CCDC57: variants seen among roughly 807,000 people sequenced by gnomAD.
CCDC57 encodes coiled-coil domain containing 57.
Under a neutral mutation model 118.9 loss-of-function variants are expected in CCDC57, and 118 were observed. The observed-to-expected ratio is 0.99, with a 90% CI of 0.86 to 1.16. CCDC57 has a LOEUF of 1.16. Ranked by LOEUF, CCDC57 falls within the 50% of genes most tolerant of loss-of-function variation. The pLI is 0.00. For missense variants in CCDC57, 1,300 were observed against 1,320.7 expected (o/e 0.98, Z 0.24); for synonymous variants, 527 against 532.9 (o/e 0.99, Z 0.15).
At chr17:82,111,247 C>A (rs1405947623) in intron 19 of CCDC57, among the ~76,000 whole-genome samples, 1 of 1,006 alleles carries the variant, frequency 9.9e-4, no homozygotes, top group Non-Finnish European at 2.1e-3. Flanking sequence ...AGGTGCCCGC[C>A]ACCATGCCCA....
intron 16 of CCDC57, among the ~76,000 whole-genome samples, chr17:82,150,432 T>C (rs200379745): frequency 0.17 from 2,349 of 13,770 alleles, no homozygotes; most frequent in Middle Eastern, 0.21. Flanking sequence ...GACCCGCACC[T>C]AGAACCAGGC....
At chr17:82,149,938 CGCACATCCAGAACCAGGT>C (rs2041652479) in intron 16 of CCDC57, among the ~76,000 whole-genome samples, 1 of 138,360 alleles carries the variant, frequency 7.2e-6, no homozygotes, top group African/African-American at 2.7e-5. Context: ...CAGAACCTGG[CGCACATCCAGAACCAGGT>C]GCACACTCAG....
intron 17 of CCDC57, among the ~76,000 whole-genome samples, chr17:82,133,186 C>T (rs2038665435): frequency 1.3e-5 from 2 of 151,912 alleles, no homozygotes; most frequent in African/African-American, 2.4e-5. Context: ...GCCTGGGCAA[C>T]ATGGCAAAAC....
chr17:82,138,839 G>A (rs1207393884), intron 16 of CCDC57, among the ~76,000 whole-genome samples: 2 of 152,234 alleles, frequency 1.3e-5, no homozygotes, highest in Non-Finnish European at 2.9e-5. Context: ...CCATTTGCCA[G>A]ATGCTGTCAG....
chr17:82,132,640 G>A (rs2038562120), intron 17 of CCDC57, among the ~76,000 whole-genome samples: 1 of 151,780 alleles, frequency 6.6e-6, no homozygotes, highest in African/African-American at 2.4e-5. Flanking sequence ...GGCGGGTCTT[G>A]AACTCCTGGG....
intron 19 of CCDC57, among the ~76,000 whole-genome samples, chr17:82,122,652 G>T (rs1197554121): frequency 6.6e-6 from 1 of 152,192 alleles, no homozygotes; most frequent in Non-Finnish European, 1.5e-5. Flanking sequence ...TTGTCAGCTT[G>T]CAGGCTGGGC....
intron 13 of CCDC57, among the ~76,000 whole-genome samples, chr17:82,168,353 G>A (rs565531854): frequency 6.6e-6 from 1 of 152,294 alleles, no homozygotes; most frequent in South Asian, 2.1e-4. Context: ...CCAGCACTTT[G>A]GGAGGCCAGC....
intron 19 of CCDC57, among the ~76,000 whole-genome samples, chr17:82,110,160 T>C (rs2035146168): frequency 1.3e-5 from 2 of 151,892 alleles, no homozygotes; most frequent in Non-Finnish European, 2.9e-5. Context: ...TTTGTATTTT[T>C]TGTAGAGATG....
chr17:82,208,844 A>C (rs2049966803), intron 1 of CCDC57, among the ~76,000 whole-genome samples: 1 of 152,144 alleles, frequency 6.6e-6, no homozygotes, highest in Admixed American at 6.6e-5. Flanking sequence ...AGTGCTGCTA[A>C]GCCCTCTGGG....
Position 82,127,660 on chromosome 17 carries a change from G to A in CCDC57, c.2899+32C>T. 5 of 1,564,852 alleles carry A rather than the reference G, an allele frequency of 3.2e-6. No homozygotes were observed. In the South Asian group the frequency reaches 3.5e-5, roughly 11 times the overall value. ...GGGTGGCCCTCGCCAGCTGCCAGCT[G>A]TGGGCAGCTCCTGGGGAGGGCAGTC... On this transcript the variant is annotated intron_variant, in intron 19 of 19. Transcript: ENST00000665763.
intron 13 of CCDC57, 34 bp from the exon 13 acceptor site, chr17:82,163,391 C>T: frequency 3.1e-6 from 5 of 1,608,338 alleles, no homozygotes; most frequent in South Asian, 1.1e-5. Flanking sequence ...CAGCTCATAC[C>T]TGAGAACAAA....
chr17:82,204,422 C>T (rs957002838), intron 2 of CCDC57, among the ~76,000 whole-genome samples: 1 of 152,222 alleles, frequency 6.6e-6, no homozygotes, highest in Non-Finnish European at 1.5e-5. Context: ...TGTCTTACCA[C>T]AAGAGACCTC....
At chr17:82,167,053 C>T (rs779649566) in intron 13 of CCDC57, among the ~76,000 whole-genome samples, 7 of 151,972 alleles carry the variant, frequency 4.6e-5, no homozygotes, top group Non-Finnish European at 1.0e-4. Flanking sequence ...CACTGATAAA[C>T]CTGAAGAACA....
chr17:82,183,997 A>AC (rs1170748487), intron 8 of CCDC57, 65 bp from the exon 8 acceptor site: 15 of 1,265,802 alleles, frequency 1.2e-5, no homozygotes, highest in Non-Finnish European at 1.6e-5. Context: ...CTTACACAGC[A>AC]CCCCCCAGCA....
Position 82,172,833 on chromosome 17 carries a change from T to C in CCDC57, c.1534A>G (p.Ile512Val). Residue 512 changes from isoleucine (I) to valine (V), a missense_variant, in exon 12 of 20, where the codon ATA becomes GTA. Ile to Val is a conservative substitution (Grantham distance 29, BLOSUM62 3). Coordinates refer to ENST00000665763, the Ensembl canonical transcript of CCDC57. This position sits in a 1 kb window ranked among gnomAD's most constrained non-coding sequence, Gnocchi z 5.2. ...TCACTGGATGGAAAGTCTTTACTTA[T>C]TTCTTCTTCATGCTGCCTGAGAAGC... 1 of 1,613,060 alleles carries C rather than the reference T, an allele frequency of 6.2e-7. No individual in the cohort carries two copies. The highest frequency in any genetic ancestry group is 8.5e-7 in the Non-Finnish European group (1 of 1,179,572).
intron 11 of CCDC57, among the ~76,000 whole-genome samples, chr17:82,176,713 C>T (rs535693806): frequency 2.0e-5 from 3 of 152,300 alleles, no homozygotes; most frequent in African/African-American, 4.8e-5. Flanking sequence ...CTGATCACCC[C>T]AACGGTACAA....
chr17:82,182,267 A>G (rs931021091), intron 9 of CCDC57, among the ~76,000 whole-genome samples: 1 of 148,790 alleles, frequency 6.7e-6, no homozygotes, highest in African/African-American at 2.5e-5. Flanking sequence ...ATTTCAGTCA[A>G]TGGAAGTATT....
At position 82,117,517 on chromosome 17, in the gene CCDC57, G is replaced by T. The variant is rs141611570; in HGVS notation, c.2899+10175C>A. Among the ~76,000 whole-genome samples the T allele has an allele frequency of 7.9e-3, 1,197 of 152,168 alleles. 18 individuals carry two copies. Among genetic ancestry groups the T allele is most frequent in the African/African-American group, 0.026 (1,098 of 41,508 alleles). On this transcript the variant is annotated intron_variant, in intron 19 of 19. Transcript: ENST00000665763. ...GCCAGGTGTGGTGGTACGTGCCTGT[G>T]GTCCCAGCTACTTGGAATGCTGAGG...
chr17:82,120,608 A>C (rs1427224285), intron 19 of CCDC57, among the ~76,000 whole-genome samples: 1 of 152,232 alleles, frequency 6.6e-6, no homozygotes, highest in Non-Finnish European at 1.5e-5. Flanking sequence ...TCAGTTAAGC[A>C]TGCTCAAATA....
Sources: gnomAD v4.1 joint callset for allele counts (sites outside exome capture counted in the v4.1 genomes callset) on GRCh38, gnomAD v4.1.1 for gene constraint, Gnocchi (gnomAD v3.1) non-coding constraint, MANE v1.5 for transcripts, NCBI Gene and HGNC (gene_info 2026-07-23, HGNC 2026-07-21) for gene names.